Variants in ZNF266 observed in about 807,000 individuals in gnomAD.
ZNF266 encodes zinc finger protein 266, also known as zinc finger protein 1.
A neutral mutation model predicts 16.4 loss-of-function variants in ZNF266; 16 were observed. That is an observed-to-expected ratio of 0.98 (90% CI 0.66 to 1.48). ZNF266 has a LOEUF of 1.48. ZNF266 is among the 40% of genes most tolerant of loss of function. ZNF266 has a pLI of 0.00. For synonymous variants in ZNF266, 262 were observed against 237.9 expected, an observed-to-expected ratio of 1.10 and a Z score of -0.93; for missense variants, 738 against 689.1, an observed-to-expected ratio of 1.07 and a Z score of -0.79.
intron 10 of ZNF266, among the ~76,000 whole-genome samples, chr19:9,415,376 A>G (rs1054802726): frequency 1.3e-5 from 2 of 152,210 alleles, no homozygotes; most frequent in African/African-American, 2.4e-5. Context: ...CAGAGTCATT[A>G]TCCCTTTTGG....
intron 10 of ZNF266, among the ~76,000 whole-genome samples, chr19:9,415,230 G>A (rs2068800815): frequency 1.3e-5 from 2 of 152,186 alleles, no homozygotes; most frequent in South Asian, 4.1e-4. Context: ...AGGAGGTGGA[G>A]GTTGCAGTGA....
intron 3 of ZNF266, 72 bp downstream of exon 3, chr19:9,434,726 T>C (rs909141141): frequency 2.0e-5 from 3 of 152,204 alleles, no homozygotes; most frequent in Admixed American, 6.5e-5. Flanking sequence ...TAAAAGGACA[T>C]GTCTTTATCC....
chr19:9,418,596 G>A lies in ZNF266; in HGVS notation c.144C>T (p.Phe48=). ...SVTFDDLAVD[F]TPEEWTLLDP... ...CCAGTAAAGTCCATTCTTCTGGGGT[G>A]AAGTCCACAGCCAGATCATCAAAAG... The change falls in exon 8 of 11, where the codon TTC becomes TTT. Residue 48 remains phenylalanine (F), a synonymous_variant. Coordinates refer to ENST00000592904, the MANE Select transcript of ZNF266 (RefSeq NM_001370374.1). The A allele has an allele frequency of 6.4e-7, 1 of 1,563,556 alleles. No homozygotes were observed. Among genetic ancestry groups the A allele is most frequent in the Non-Finnish European group, 8.8e-7 (1 of 1,134,074 alleles).
chr19:9,430,566 C>T (rs1196877802), intron 5 of ZNF266, among the ~76,000 whole-genome samples: 1 of 152,154 alleles, frequency 6.6e-6, no homozygotes, highest in Non-Finnish European at 1.5e-5. Flanking sequence ...AACATAACTG[C>T]CCTACATCTA....
intron 5 of ZNF266, among the ~76,000 whole-genome samples, chr19:9,421,000 C>T (rs73013863): frequency 0.025 from 3,797 of 149,798 alleles, 70 homozygotes; most frequent in Non-Finnish European, 0.036. Context: ...CCATATAAAC[C>T]GAGTATGACC....
chr19:9,415,828 T>TG, intron 9 of ZNF266, 86 bp from the exon 10 acceptor site: 1 of 1,175,806 alleles, frequency 8.5e-7, no homozygotes, highest in Non-Finnish European at 1.2e-6. Context: ...TTGTACTTGT[T>TG]TTCTTTTTTT....
intron 5 of ZNF266, among the ~76,000 whole-genome samples, chr19:9,428,551 C>G (rs2071110090): frequency 6.6e-6 from 1 of 152,156 alleles, no homozygotes; most frequent in Non-Finnish European, 1.5e-5. Flanking sequence ...CATCCCTTAG[C>G]CAGGATGTCC....
At position 9,413,510 on chromosome 19, in the gene ZNF266, G is replaced by A. The variant is rs1568398253; in HGVS notation, c.1616C>T (p.Ala539Val). The A allele has an allele frequency of 1.9e-6, 3 of 1,613,328 alleles. No individual in the cohort carries two copies. Among genetic ancestry groups the A allele is most frequent in the Non-Finnish European group, 8.5e-7 (1 of 1,179,406 alleles). The change falls in exon 11 of 11, where the codon GCT becomes GTT. Residue 539 changes from alanine (A) to valine (V), a missense_variant. Transcript: ENST00000592904. The stretch of plus-strand genomic sequence containing the variant: ...GTTAACACACGTGGGAAACTTAAAA[G>A]CTTTGCCACATTCCATACACGTGAA... ...KPFTCMECGK[A>V]FKFPTCVNLH...
At chr19:9,427,739 C>T (rs2070968490) in intron 5 of ZNF266, among the ~76,000 whole-genome samples, 2 of 152,104 alleles carry the variant, frequency 1.3e-5, no homozygotes, top group Admixed American at 6.5e-5. Flanking sequence ...GATCTGTCAT[C>T]ACATACGATC....
At chr19:9,416,985 T>A (rs2069131369) in intron 9 of ZNF266, among the ~76,000 whole-genome samples, 1 of 152,090 alleles carries the variant, frequency 6.6e-6, no homozygotes, top group East Asian at 1.9e-4. Context: ...ACAGGAACTT[T>A]TAAAGAAGAA....
intron 5 of ZNF266, among the ~76,000 whole-genome samples, chr19:9,423,151 C>T (rs1318468709): frequency 1.3e-5 from 2 of 152,168 alleles, no homozygotes; most frequent in Non-Finnish European, 2.9e-5. Flanking sequence ...ATAAGGACTT[C>T]CCCTTACCAA....
chr19:9,423,602 C>A (rs1002632165), intron 5 of ZNF266, among the ~76,000 whole-genome samples: 1 of 152,134 alleles, frequency 6.6e-6, no homozygotes, highest in Non-Finnish European at 1.5e-5. Context: ...GGGGGACAAC[C>A]CTTAGAAAGG....
intron 5 of ZNF266, among the ~76,000 whole-genome samples, chr19:9,421,227 G>C (rs147317052): frequency 6.6e-6 from 1 of 152,014 alleles, no homozygotes; most frequent in African/African-American, 2.4e-5. Flanking sequence ...TTTATTCTAT[G>C]AATGAGAAGG....
intron 5 of ZNF266, among the ~76,000 whole-genome samples, chr19:9,433,115 G>A (rs1213263612): frequency 6.6e-6 from 1 of 152,156 alleles, no homozygotes; most frequent in African/African-American, 2.4e-5. Flanking sequence ...AGAAACCAGA[G>A]TACCCAGAGA....
At position 9,414,743 on chromosome 19, in the gene ZNF266, T is replaced by C. The variant is rs771986083; in HGVS notation, c.406-23A>G. 105 of 1,532,582 alleles carry C rather than the reference T, an allele frequency of 6.9e-5. No homozygotes were observed. In the South Asian group the frequency reaches 8.5e-4, roughly 12 times the overall value. The allele number at this position is 1,532,582 out of a possible 1,614,324, so 94.9% of individuals were successfully genotyped here. A position where few individuals can be genotyped will look rare whatever the true frequency, so the allele number is the denominator to read the frequency against. On this transcript the variant is annotated intron_variant, in intron 10 of 10. Coordinates refer to ENST00000592904, the MANE Select transcript of ZNF266 (RefSeq NM_001370374.1). ...TATCTGTTGATAAAGGAATGAATGA[T>C]GATTAAAGGACGGTTCAGATTGATT...
chr19:9,421,608 A>G (rs1013071265), intron 5 of ZNF266, among the ~76,000 whole-genome samples: 1 of 152,178 alleles, frequency 6.6e-6, no homozygotes, highest in African/African-American at 2.4e-5. Flanking sequence ...TTTAGCAGAC[A>G]CAACACTGGA....
At chr19:9,427,212 G>T (rs1247366920) in intron 5 of ZNF266, among the ~76,000 whole-genome samples, 3 of 152,032 alleles carry the variant, frequency 2.0e-5, no homozygotes, top group Non-Finnish European at 4.4e-5. Flanking sequence ...TTCATACTGT[G>T]GTCCCATCCA....
intron 5 of ZNF266, among the ~76,000 whole-genome samples, chr19:9,428,527 ATGC>A (rs2071107180): frequency 1.3e-5 from 2 of 152,184 alleles, no homozygotes; most frequent in South Asian, 4.1e-4. Flanking sequence ...GCTCAGTGGA[ATGC>A]TGCTGCCTTC....
rs761659293 is a variant in ZNF266, at chr19:9,414,269, T to G, written c.857A>C (p.Lys286Thr). Residue 286 changes from lysine (K) to threonine (T), a missense_variant, in exon 11 of 11, where the codon AAA (lysine) becomes ACA (threonine). Lys to Thr is a moderately conservative substitution (Grantham distance 78). Coordinates refer to ENST00000592904, the MANE Select transcript of ZNF266 (RefSeq NM_001370374.1). ...EKPYKCKECGKGFRYSAYLNI... is the reference protein window; with the variant it reads ...EKPYKCKECGTGFRYSAYLNI... ...AAGGTATGCAGAATATCTAAATCCT[T>G]TTCCACATTCCTTACATTTGTAGGG... 3.1e-6 allele frequency: 5 copies of G among 1,614,048 alleles called. No homozygotes were observed. In the African/African-American group the frequency reaches 6.7e-5, roughly 22 times the overall value.
Sources: gnomAD v4.1 joint callset for allele counts (sites outside exome capture counted in the v4.1 genomes callset) on GRCh38, gnomAD v4.1.1 for gene constraint, MANE v1.5 for transcripts, NCBI Gene and HGNC (gene_info 2026-07-23, HGNC 2026-07-21) for gene names.